SCFD2: variants seen among roughly 807,000 people sequenced by gnomAD.
The protein encoded by SCFD2 is sec1 family domain-containing protein 2.
SCFD2 carries 54 observed loss-of-function variants against 58.9 expected under a neutral mutation model. The observed-to-expected ratio is 0.92, with a 90% CI of 0.74 to 1.15. The LOEUF is 1.15. SCFD2 is among the 50% of genes most tolerant of loss of function. SCFD2 has a pLI of 0.00. For missense variants in SCFD2, 805 were observed against 836.6 expected (o/e 0.96, Z 0.47); for synonymous variants, 321 against 335.9 (o/e 0.96, Z 0.49).
chr4:53,017,595 T>C (rs1453302219), intron 5 of SCFD2, among the ~76,000 whole-genome samples: 1 of 152,196 alleles, frequency 6.6e-6, no homozygotes, highest in Non-Finnish European at 1.5e-5. Context: ...ATTAGTAAGA[T>C]CAAGTTCTTT....
chr4:53,027,634 C>G (rs1422097435), intron 5 of SCFD2, among the ~76,000 whole-genome samples: 2 of 152,066 alleles, frequency 1.3e-5, no homozygotes, highest in African/African-American at 4.8e-5. Context: ...TCGAGACCAG[C>G]CTGGCCAACA....
At chr4:53,211,113 C>T (rs1172524419) in intron 4 of SCFD2, among the ~76,000 whole-genome samples, 5 of 151,934 alleles carry the variant, frequency 3.3e-5, no homozygotes, top group African/African-American at 9.7e-5. Context: ...CATGGTGGCA[C>T]GCACCTGTAG....
At chr4:53,273,759 C>G (rs1056651925) in intron 4 of SCFD2, 67 bp downstream of exon 4, 1 of 1,358,868 alleles carries the variant, frequency 7.4e-7, no homozygotes, top group Non-Finnish European at 1.0e-6. Flanking sequence ...TAATAAATGT[C>G]AAGGTTTTTC....
intron 6 of SCFD2, among the ~76,000 whole-genome samples, chr4:52,919,880 A>G (rs980242038): frequency 4.6e-5 from 7 of 152,252 alleles, no homozygotes; most frequent in Non-Finnish European, 1.0e-4. Flanking sequence ...CCTCCCCACT[A>G]ACAGCACATT....
At chr4:53,241,517 C>G (rs1213662933) in intron 4 of SCFD2, among the ~76,000 whole-genome samples, 2 of 152,156 alleles carry the variant, frequency 1.3e-5, no homozygotes, top group Non-Finnish European at 2.9e-5. Context: ...TGCTGGTGGA[C>G]CATACCTGAC....
intron 7 of SCFD2, among the ~76,000 whole-genome samples, chr4:52,899,361 T>C (rs1378355644): frequency 1.3e-5 from 2 of 152,242 alleles, no homozygotes; most frequent in Non-Finnish European, 2.9e-5. Context: ...ACAAAATCTC[T>C]CAGCATTTGT....
intron 4 of SCFD2, among the ~76,000 whole-genome samples, chr4:53,154,863 G>A (rs578086859): frequency 6.6e-6 from 1 of 152,318 alleles, no homozygotes; most frequent in South Asian, 2.1e-4. Flanking sequence ...TGAAGAATCA[G>A]AGAGATTCAA....
At chr4:53,055,618 G>T (rs1360140090) in intron 5 of SCFD2, among the ~76,000 whole-genome samples, 1 of 152,064 alleles carries the variant, frequency 6.6e-6, no homozygotes, top group African/African-American at 2.4e-5. Flanking sequence ...TGAGGGAACA[G>T]CTACCAATGA....
intron 4 of SCFD2, among the ~76,000 whole-genome samples, chr4:53,217,624 A>G (rs1728893735): frequency 6.6e-6 from 1 of 152,048 alleles, no homozygotes; most frequent in African/African-American, 2.4e-5. Flanking sequence ...TTTTAATCGG[A>G]GCATTTAGCC....
intron 2 of SCFD2, among the ~76,000 whole-genome samples, chr4:53,334,156 C>T (rs1028132837): frequency 7.9e-5 from 12 of 151,426 alleles, no homozygotes; most frequent in South Asian, 2.1e-4. Flanking sequence ...GTTGGTGGGA[C>T]TGTAAACTAG....
chr4:53,086,661 C>T (rs1577715680), intron 5 of SCFD2, among the ~76,000 whole-genome samples: 1 of 152,104 alleles, frequency 6.6e-6, no homozygotes, highest in East Asian at 1.9e-4. Flanking sequence ...CTGGATAAAG[C>T]AAATGTGGCA....
At chr4:52,887,824 TCCCCCAA>T (rs1433739258) in intron 7 of SCFD2, among the ~76,000 whole-genome samples, 1 of 150,348 alleles carries the variant, frequency 6.7e-6, no homozygotes, top group Non-Finnish European at 1.5e-5. Context: ...TCTCTTACCA[TCCCCCAA>T]CTCCTTTCTC....
At chr4:53,241,728 T>G (rs1729900377) in intron 4 of SCFD2, among the ~76,000 whole-genome samples, 1 of 152,220 alleles carries the variant, frequency 6.6e-6, no homozygotes, top group African/African-American at 2.4e-5. Context: ...GTCATGCCAC[T>G]GCTGCCAGTG....
intron 2 of SCFD2, among the ~76,000 whole-genome samples, chr4:53,343,565 C>T (rs570740138): frequency 8.5e-5 from 13 of 152,174 alleles, no homozygotes; most frequent in African/African-American, 2.2e-4. Flanking sequence ...ACTATTCCAA[C>T]TGATAGAAAA....
At chr4:52,899,119 C>T (rs1327890898) in intron 7 of SCFD2, among the ~76,000 whole-genome samples, 1 of 152,112 alleles carries the variant, frequency 6.6e-6, no homozygotes, top group Non-Finnish European at 1.5e-5. Context: ...CCAGTCTGTA[C>T]CTTTTAATTG....
Position 53,087,156 on chromosome 4 carries a change from AC to A in SCFD2, c.1561+58176del, listed in dbSNP as rs1324981149. Among the ~76,000 whole-genome samples, 2 of 152,140 alleles carry A rather than the reference AC, an allele frequency of 1.3e-5. 1 individual carries two copies. The highest frequency in any genetic ancestry group is 2.9e-5 in the Non-Finnish European group (2 of 68,010). ...CCCATAAACATATACACCAACTACT[AC>A]CCACAAAAATAAAATTCTTTTTAAA... On this transcript the variant is annotated intron_variant, in intron 5 of 8. Transcript: ENST00000401642.
Position 53,365,187 on chromosome 4 carries a change from T to C in SCFD2, c.755A>G (p.Asn252Ser), listed in dbSNP as rs141893707. 1.0e-4 allele frequency: 161 copies of C among 1,614,174 alleles called. No homozygotes were observed. In the Middle Eastern group the frequency reaches 3.1e-3, roughly 31 times the overall value. Residue 252 changes from asparagine (N) to serine (S), a missense_variant, in exon 1 of 9, where the codon AAT (asparagine) becomes AGT (serine). Transcript: ENST00000401642. This position sits in a 1 kb window ranked among gnomAD's most constrained non-coding sequence, Gnocchi z 4.3. ...LSQVIAADLANYAPAKNRKKT... is the reference protein window; with the variant it reads ...LSQVIAADLASYAPAKNRKKT... Reference sequence around the variant, plus strand: ...CTTCCTGTTCTTTGCAGGGGCATAATTGGCCAGATCCGCAGCGATGACCTG... The same window carrying C: ...CTTCCTGTTCTTTGCAGGGGCATAACTGGCCAGATCCGCAGCGATGACCTG...
intron 7 of SCFD2, among the ~76,000 whole-genome samples, chr4:52,897,036 T>G (rs1446285812): frequency 6.6e-6 from 1 of 152,260 alleles, no homozygotes; most frequent in Non-Finnish European, 1.5e-5. Context: ...AAGTTACTTA[T>G]CAGCTGAAGG....
chr4:53,191,768 T>C (rs1422045659), intron 4 of SCFD2, among the ~76,000 whole-genome samples: 1 of 152,192 alleles, frequency 6.6e-6, no homozygotes, highest in East Asian at 1.9e-4. Flanking sequence ...GGAACACACT[T>C]TGTGACTGCA....
Sources: gnomAD v4.1 joint callset for allele counts (sites outside exome capture counted in the v4.1 genomes callset) on GRCh38, gnomAD v4.1.1 for gene constraint, Gnocchi (gnomAD v3.1) non-coding constraint, MANE v1.5 for transcripts, NCBI Gene and HGNC (gene_info 2026-07-23, HGNC 2026-07-21) for gene names.